Variants in IMPG1 observed in about 807,000 individuals in gnomAD.
The protein encoded by IMPG1 is interphotoreceptor matrix proteoglycan of 150 kDa.
IMPG1 carries 85 observed loss-of-function variants against 92.0 expected under a neutral mutation model. The ratio of observed to expected loss-of-function variants is 0.92; its 90% CI spans 0.78 to 1.11. IMPG1 has a LOEUF of 1.11. Ranked by LOEUF, IMPG1 falls within the 50% of genes least tolerant of loss-of-function variation. The probability of loss-of-function intolerance (pLI) is 0.00; values close to 1 mark genes in which losing one functional copy is unlikely to be tolerated. For synonymous variants in IMPG1, 367 were observed against 334.1 expected (o/e 1.10, Z -1.08); for missense variants, 1,022 against 956.0 (o/e 1.07, Z -0.91).
intron 1 of IMPG1, among the ~76,000 whole-genome samples, chr6:76,064,608 T>C (rs968122735): frequency 6.6e-5 from 10 of 152,080 alleles, no homozygotes; most frequent in Non-Finnish European, 5.9e-5. Flanking sequence ...GTGCCTGCCA[T>C]TGGGGTATCC....
At chr6:75,990,470 C>A (rs1315025056) in intron 12 of IMPG1, among the ~76,000 whole-genome samples, 1 of 151,994 alleles carries the variant, frequency 6.6e-6, no homozygotes, top group East Asian at 1.9e-4. Flanking sequence ...CTCATTTTCC[C>A]AGGCCAGGCA....
At chr6:75,975,301 A>G (rs1323782803) in intron 12 of IMPG1, among the ~76,000 whole-genome samples, 2 of 152,266 alleles carry the variant, frequency 1.3e-5, no homozygotes, top group African/African-American at 4.8e-5. Context: ...GTCATGTCCC[A>G]GACATACCTG....
At chr6:76,003,547 T>A (rs1450658959) in intron 11 of IMPG1, among the ~76,000 whole-genome samples, 1 of 152,214 alleles carries the variant, frequency 6.6e-6, no homozygotes, top group East Asian at 1.9e-4. Context: ...AAATAATATG[T>A]TCTGCTTTAA....
chr6:76,046,166 GC>G (rs1024272076), intron 1 of IMPG1, among the ~76,000 whole-genome samples: 5 of 151,760 alleles, frequency 3.3e-5, no homozygotes, highest in Non-Finnish European at 7.4e-5. Flanking sequence ...TCCTATTTCT[GC>G]CCTCTGGTAT....
At chr6:76,015,800 C>CAAAAAAAAAAAAAAAAAAAAAATAA (rs1783275747) in intron 7 of IMPG1, among the ~76,000 whole-genome samples, 1 of 66,744 alleles carries the variant, frequency 1.5e-5, no homozygotes, top group Non-Finnish European at 2.7e-5. Context: ...AACTCTGTCT[C>CAAAAAAAAAAAAAAAAAAAAAATAA]AAAAAAAAAA....
At position 75,924,677 on chromosome 6, in the gene IMPG1, T is replaced by TAA. The variant is rs1491326657; in HGVS notation, c.2244-972_2244-971insTT. Among the ~76,000 whole-genome samples the TAA allele has an allele frequency of 4.3e-3, 14 of 3,286 alleles. 3 individuals are homozygous for TAA. The highest frequency in any genetic ancestry group is 7.5e-3 in the Non-Finnish European group (11 of 1,476). The allele number at this position is 3,286 out of a possible 152,430, so 2.2% of individuals were successfully genotyped here. A position where few individuals can be genotyped will look rare whatever the true frequency, so the allele number is the denominator to read the frequency against. On this transcript the variant is annotated intron_variant, in intron 15 of 16. Transcript: ENST00000369950. ...TATATAATATATAATAAATTATATA[T>TAA]TATATATTATATATAAATAATTATA... is the stretch of plus-strand genomic sequence containing the variant.
At chr6:76,010,403 GAACTTACAAAA>G (rs1382333219) in intron 8 of IMPG1, among the ~76,000 whole-genome samples, 1 of 152,096 alleles carries the variant, frequency 6.6e-6, no homozygotes, top group African/African-American at 2.4e-5. Context: ...TGAAAAATGA[GAACTTACAAAA>G]AAAGATTTAA....
chr6:75,970,323 T>C (rs1178980454), intron 12 of IMPG1, among the ~76,000 whole-genome samples: 1 of 152,018 alleles, frequency 6.6e-6, no homozygotes, highest in Non-Finnish European at 1.5e-5. Flanking sequence ...TAAAATGAAA[T>C]TCAAACTTCT....
Position 76,042,010 on chromosome 6 carries a change from C to A in IMPG1, c.184G>T (p.Asp62Tyr). 6.2e-7 allele frequency: 1 copy of A among 1,613,404 alleles called. No homozygotes were observed. Among genetic ancestry groups the A allele is most frequent in the South Asian group, 1.1e-5 (1 of 91,048 alleles). ...YKMSTMRRIF[D>Y]LAKHRTKRSA... ...CTTTTTGTTCGATGCTTTGCCAAAT[C>A]GAATATTCGTCTCATAGTTGACATT... is the stretch of plus-strand genomic sequence containing the variant. Residue 62 changes from aspartate (D) to tyrosine (Y), a missense_variant, in exon 2 of 17, where the codon GAT (aspartate) becomes TAT (tyrosine). Around this residue, in one of 3 missense-constraint regions of IMPG1, gnomAD observed 681 missense variants for 583.6 expected, o/e 1.17. Coordinates refer to ENST00000369950, the MANE Select transcript of IMPG1 (RefSeq NM_001563.4).
intron 7 of IMPG1, among the ~76,000 whole-genome samples, chr6:76,015,026 A>G (rs1783259619): frequency 6.6e-6 from 1 of 152,176 alleles, no homozygotes; most frequent in South Asian, 2.1e-4. Context: ...TGCCCAGTTA[A>G]CCTTATTAAT....
intron 1 of IMPG1, among the ~76,000 whole-genome samples, chr6:76,060,379 A>T (rs1301080693): frequency 1.3e-5 from 2 of 152,156 alleles, no homozygotes; most frequent in African/African-American, 2.4e-5. Flanking sequence ...TCCGTAAATA[A>T]TTACAGCGGC....
Position 76,018,718 on chromosome 6 carries a change from C to A in IMPG1, c.807G>T (p.Gln269His). The change falls in exon 7 of 17, where the codon CAG (glutamine) becomes CAT (histidine). Residue 269 changes from glutamine to histidine, a missense_variant and splice_region_variant. Gln to His is a conservative substitution (Grantham distance 24, BLOSUM62 0). This residue lies in a region of IMPG1 where 681 missense variants were observed against 583.6 expected (regional missense o/e 1.17). Transcript: ENST00000369950. ...GGTTGTATGGGCCGGGTCTACTCAC[C>A]TGAAGTTGGGACTTTCCTGCTAGCT... The part of the protein sequence containing the change: ...YQELAGKSQL[Q>H]MQKIFKKLPG... 6.2e-7 allele frequency: 1 copy of A among 1,612,920 alleles called. No homozygotes were observed. Among genetic ancestry groups the A allele is most frequent in the South Asian group, 1.1e-5 (1 of 90,826 alleles).
Position 76,062,492 on chromosome 6 carries a change from A to G in IMPG1, c.67+9930T>C, listed in dbSNP as rs1379504765. Among the ~76,000 whole-genome samples, 5 of 152,190 alleles carry G rather than the reference A, an allele frequency of 3.3e-5. No individual in the cohort carries two copies. The South Asian group carries it at 8.3e-4, about 25-fold the overall frequency. On this transcript the variant is annotated intron_variant, in intron 1 of 16. Coordinates refer to ENST00000369950, the MANE Select transcript of IMPG1 (RefSeq NM_001563.4). ...CTGCAATTATGTAAAAATTAAATAC[A>G]CATACCTAGAAAAAGTAGTGCTGGC...
At chr6:75,986,572 C>T (rs1362489346) in intron 12 of IMPG1, among the ~76,000 whole-genome samples, 3 of 151,982 alleles carry the variant, frequency 2.0e-5, no homozygotes, top group African/African-American at 7.3e-5. Context: ...GGGAAAATGG[C>T]CGTATAGGAG....
At chr6:76,018,530 GAA>G (rs1367288328) in intron 7 of IMPG1, among the ~76,000 whole-genome samples, 186 bp downstream of exon 7, 1 of 152,220 alleles carries the variant, frequency 6.6e-6, no homozygotes, top group African/African-American at 2.4e-5. Context: ...AGGCTGGAAT[GAA>G]AAACTTTCCT....
chr6:76,011,696 T>A (rs1439205045), intron 7 of IMPG1, among the ~76,000 whole-genome samples: 2 of 151,070 alleles, frequency 1.3e-5, no homozygotes, highest in African/African-American at 2.4e-5. Context: ...TAACTCGTCA[T>A]CTAGCATTAG....
intron 1 of IMPG1, among the ~76,000 whole-genome samples, chr6:76,053,327 G>A (rs1338318519): frequency 2.6e-4 from 39 of 152,152 alleles, no homozygotes; most frequent in Admixed American, 2.6e-3. Context: ...AAACCAAGGG[G>A]TTATGCCAGA....
chr6:75,934,388 C>G (rs1461156250), intron 14 of IMPG1, among the ~76,000 whole-genome samples: 1 of 152,182 alleles, frequency 6.6e-6, no homozygotes, highest in African/African-American at 2.4e-5. Flanking sequence ...GTAAGGGCAT[C>G]GGATGTATCA....
intron 12 of IMPG1, among the ~76,000 whole-genome samples, chr6:75,955,012 G>A (rs921634959): frequency 6.6e-6 from 1 of 152,138 alleles, no homozygotes; most frequent in Non-Finnish European, 1.5e-5. Context: ...TTTTGTTACT[G>A]TAGGCTTGTA....
Sources: gnomAD v4.1 joint callset for allele counts (sites outside exome capture counted in the v4.1 genomes callset) on GRCh38, gnomAD v4.1.1 for gene constraint, gnomAD v4.1.1 regional missense constraint, MANE v1.5 for transcripts, NCBI Gene and HGNC (gene_info 2026-07-23, HGNC 2026-07-21) for gene names.